LBP: variants seen among roughly 807,000 people sequenced by gnomAD.
LBP encodes the protein lipopolysaccharide-binding protein.
In LBP, 53 loss-of-function variants were observed where a neutral mutation model predicts 56.6. That is an observed-to-expected ratio of 0.94 (90% CI 0.75 to 1.18). LBP has a LOEUF of 1.18. Among genes scored for constraint, LBP ranks in the 50% most tolerant of loss-of-function variants. The probability of loss-of-function intolerance (pLI) is 0.00; values close to 1 mark genes in which losing one functional copy is unlikely to be tolerated. For synonymous variants in LBP, 227 were observed against 247.5 expected (o/e 0.92, Z 0.78); for missense variants, 601 against 598.3 (o/e 1.00, Z -0.05).
chr20:38,366,831 A>G lies in LBP; in HGVS notation c.981+3A>G. ...CCTTCCGACCCTTCGTCCCACGGGT[A>G]AGGAGTCCCTTAGTTCCCCATGAGT... is the stretch of plus-strand genomic sequence containing the variant. On this transcript the variant is annotated splice_donor_region_variant and intron_variant, in intron 9 of 14. Transcript: ENST00000217407. 6.2e-7 allele frequency: 1 copy of G among 1,613,726 alleles called. No homozygotes were observed. The highest frequency in any genetic ancestry group is 8.5e-7 in the Non-Finnish European group (1 of 1,179,702).
Position 38,356,981 on chromosome 20 carries a change from G to A in LBP, c.588+1572G>A, listed in dbSNP as rs139715955. On this transcript the variant is annotated intron_variant, in intron 5 of 14. Transcript: ENST00000217407. ...AGCAATTCTTCTGCCTCAGCCTCCC[G>A]AGTATATGAGACCACAGGCACGTGC... Among the ~76,000 whole-genome samples the A allele has an allele frequency of 6.1e-3, 921 of 152,166 alleles. 4 individuals are homozygous for A. The highest frequency in any genetic ancestry group is 0.019 in the African/African-American group (773 of 41,514).
chr20:38,369,249 C>G, intron 10 of LBP, 87 bp downstream of exon 10: 4 of 1,306,910 alleles, frequency 3.1e-6, no homozygotes, highest in Non-Finnish European at 4.2e-6. Context: ...CCACTCACCA[C>G]CTGGGTAATT....
At position 38,374,084 on chromosome 20, in the gene LBP, T is replaced by C. The variant is rs2076909832; in HGVS notation, c.1401+71T>C. 2.0e-6 allele frequency: 3 copies of C among 1,480,128 alleles called. No homozygotes were observed. In the South Asian group the frequency reaches 3.4e-5, roughly 17 times the overall value. The allele number at this position is 1,480,128 out of a possible 1,614,324, so 91.7% of individuals were successfully genotyped here. On this transcript the variant is annotated intron_variant, in intron 14 of 14. Transcript: ENST00000217407. ...GGTTTGCATGCTAGCTTTGGGGCCA[T>C]GATTCATGGGTGACACCCAGCCCAG...
chr20:38,346,684 C>A (rs2076802526), intron 1 of LBP, 44 bp downstream of exon 1: 1 of 1,609,846 alleles, frequency 6.2e-7, no homozygotes, highest in Admixed American at 1.7e-5. Context: ...AACCCACGCT[C>A]CAGGCTGCTC....
chr20:38,360,310 G>A (rs2076855364), intron 5 of LBP, among the ~76,000 whole-genome samples: 1 of 151,436 alleles, frequency 6.6e-6, no homozygotes, highest in Non-Finnish European at 1.5e-5. Flanking sequence ...ATGTTTATTT[G>A]TGTTTATTTC....
At chr20:38,366,273 G>A (rs528472288) in intron 8 of LBP, among the ~76,000 whole-genome samples, 28 of 152,230 alleles carry the variant, frequency 1.8e-4, no homozygotes, top group African/African-American at 6.3e-4. Context: ...TTCTGGCATC[G>A]TGTTTGGTTT....
At chr20:38,366,626 A>G (rs2076882937) in intron 8 of LBP, 143 bp from the exon 9 acceptor site, 1 of 765,610 alleles carries the variant, frequency 1.3e-6, no homozygotes, top group South Asian at 1.5e-5. Flanking sequence ...GGGTGAATGC[A>G]GGACAGGCAT....
At chr20:38,360,880 G>C in intron 6 of LBP, 113 bp downstream of exon 6, 1 of 786,094 alleles carries the variant, frequency 1.3e-6, no homozygotes, top group South Asian at 1.9e-5. Context: ...TAAAAATTAA[G>C]GGCCAGGCGC....
At chr20:38,361,016 G>A (rs1237927322) in intron 6 of LBP, among the ~76,000 whole-genome samples, 1 of 152,022 alleles carries the variant, frequency 6.6e-6, no homozygotes, top group Non-Finnish European at 1.5e-5. Context: ...TACAGAATTA[G>A]CCGGGCGTGG....
chr20:38,355,999 T>G (rs1220750612), intron 5 of LBP, among the ~76,000 whole-genome samples: 1 of 150,422 alleles, frequency 6.6e-6, no homozygotes, highest in Non-Finnish European at 1.5e-5. Context: ...ATTAGCCAAA[T>G]GGTATCTGTA....
At chr20:38,364,211 T>G (rs940162283) in intron 7 of LBP, 145 bp downstream of exon 7, 1 of 647,326 alleles carries the variant, frequency 1.5e-6, no homozygotes. Flanking sequence ...TATGGAGTGG[T>G]GGGGAGTGTT....
Position 38,374,016 on chromosome 20 carries a change from C to T in LBP, c.1401+3C>T, listed in dbSNP as rs151285189. On this transcript the variant is annotated splice_donor_region_variant and intron_variant, in intron 14 of 14. Coordinates refer to ENST00000217407, the MANE Select transcript of LBP (RefSeq NM_004139.5). ...ACCTTGGGCTGCAGATCCATAAGGT[C>T]GGTGGGTTCAGGGGGGCTCTGAGGA... 4.3e-6 allele frequency: 7 copies of T among 1,613,852 alleles called. No homozygotes were observed. Among genetic ancestry groups the T allele is most frequent in the African/African-American group, 4.0e-5 (3 of 75,008 alleles).
chr20:38,357,974 T>A (rs549332313), intron 5 of LBP, among the ~76,000 whole-genome samples: 2 of 152,228 alleles, frequency 1.3e-5, no homozygotes, highest in East Asian at 3.9e-4. Context: ...GCCATCTTGG[T>A]TTTGATTGGT....
At chr20:38,364,368 A>T (rs1480572822) in intron 7 of LBP, among the ~76,000 whole-genome samples, 1 of 151,984 alleles carries the variant, frequency 6.6e-6, no homozygotes, top group South Asian at 2.1e-4. Flanking sequence ...CCTAGGGCAT[A>T]TAGAGGGGCT....
In LBP at chr20:38,346,484, G is replaced by T; in HGVS notation, c.-33G>T. 6.2e-7 allele frequency: 1 copy of T among 1,611,928 alleles called. No homozygotes were observed. Among genetic ancestry groups the T allele is most frequent in the South Asian group, 1.1e-5 (1 of 90,908 alleles). On this transcript the variant is annotated 5_prime_UTR_variant, in exon 1 of 15. Coordinates refer to ENST00000217407, the MANE Select transcript of LBP (RefSeq NM_004139.5). ...GGACCTGGGCCCAATCCACAGCTGG[G>T]ACAGTCCTGGCCCACTGCACTGGGA...
At chr20:38,371,699 A>G (rs1396402723) in intron 12 of LBP, among the ~76,000 whole-genome samples, 2 of 152,230 alleles carry the variant, frequency 1.3e-5, no homozygotes, top group African/African-American at 2.4e-5. Context: ...TAGTGCATCA[A>G]GAATCTCTCT....
intron 6 of LBP, among the ~76,000 whole-genome samples, chr20:38,363,033 C>T (rs1158052597): frequency 6.6e-6 from 1 of 152,196 alleles, no homozygotes; most frequent in Non-Finnish European, 1.5e-5. Flanking sequence ...CTCCTTGCTG[C>T]ATAGTATATC....
At chr20:38,371,244 A>G in intron 11 of LBP, 36 bp from the exon 12 acceptor site, 1 of 1,593,458 alleles carries the variant, frequency 6.3e-7, no homozygotes, top group Non-Finnish European at 8.6e-7. Context: ...ACTTGCATAA[A>G]GCCCACACCT....
In LBP at chr20:38,349,637, G is replaced by T. The variant is rs201798672; in HGVS notation, c.214G>T (p.Gly72Cys). ...FTGDLRIPHV[G>C]RGRYEFHSLN... ...CGGGGACTTGAGGATCCCCCACGTC[G>T]GCCGTGGGCGCTATGAGTTCCACAG... The change falls in exon 2 of 15, where the codon GGC (glycine) becomes TGC (cysteine). Residue 72 changes from glycine (G) to cysteine (C), a missense_variant. Coordinates refer to ENST00000217407, the MANE Select transcript of LBP (RefSeq NM_004139.5). The T allele has an allele frequency of 1.9e-5, 30 of 1,608,534 alleles. No individual in the cohort carries two copies. The highest frequency in any genetic ancestry group is 2.3e-5 in the Non-Finnish European group (27 of 1,177,702).
Sources: gnomAD v4.1 joint callset for allele counts (sites outside exome capture counted in the v4.1 genomes callset) on GRCh38, gnomAD v4.1.1 for gene constraint, MANE v1.5 for transcripts, NCBI Gene and HGNC (gene_info 2026-07-23, HGNC 2026-07-21) for gene names.